Variants in ATP8B1 observed in about 807,000 individuals in gnomAD.
ATP8B1 encodes the protein phospholipid-transporting ATPase IC.
In ATP8B1, 80 loss-of-function variants were observed where a neutral mutation model predicts 149.9. That is an observed-to-expected ratio of 0.53 (90% CI 0.45 to 0.64). The LOEUF is 0.64. Ranked by LOEUF, ATP8B1 falls within the 30% of genes least tolerant of loss-of-function variation. The probability of loss-of-function intolerance (pLI) is 0.00; values close to 1 mark genes in which losing one functional copy is unlikely to be tolerated. For missense variants in ATP8B1, 1,247 were observed against 1,552.6 expected (o/e 0.80, Z 3.31); for synonymous variants, 536 against 562.8 (o/e 0.95, Z 0.67).
At position 57,647,583 on chromosome 18, in the gene ATP8B1, A is replaced by G. The variant is rs1324650365; in HGVS notation, c.*905T>C. ...GGGCCTCTGGGAAATTATGCTGAAG[A>G]TCACCGAAAGGAAAATGTAACTGTA... On this transcript the variant is annotated 3_prime_UTR_variant, in exon 28 of 28. Transcript: ENST00000648908. The G allele has an allele frequency of 2.6e-5, 4 of 152,598 alleles. No individual in the cohort carries two copies. Among genetic ancestry groups the G allele is most frequent in the Admixed American group, 6.5e-5 (1 of 15,278 alleles). The allele number at this position is 152,598 out of a possible 1,614,324, so 9.5% of individuals were successfully genotyped here. A position where few individuals can be genotyped will look rare whatever the true frequency, so the allele number is the denominator to read the frequency against.
At chr18:57,655,565 C>A in intron 22 of ATP8B1, 148 bp from the exon 23 acceptor site, 3 of 760,390 alleles carry the variant, frequency 3.9e-6, no homozygotes, top group South Asian at 1.5e-5. Flanking sequence ...CCATCCCTCA[C>A]CCCCAGCTCT....
At chr18:57,715,340 T>TA in intron 2 of ATP8B1, among the ~76,000 whole-genome samples, 1 of 151,426 alleles carries the variant, frequency 6.6e-6, no homozygotes, top group Non-Finnish European at 1.5e-5. Context: ...GAAAAAAGAA[T>TA]AAAAAAGAAA....
At chr18:57,704,744 G>A in intron 3 of ATP8B1, 76 bp from the exon 4 acceptor site, 1 of 896,520 alleles carries the variant, frequency 1.1e-6, no homozygotes, top group South Asian at 1.4e-5. Context: ...AAAGTCACAA[G>A]TCCCACAGCT....
intron 1 of ATP8B1, among the ~76,000 whole-genome samples, chr18:57,773,996 C>T (rs1173125623): frequency 3.9e-5 from 6 of 152,260 alleles, no homozygotes; most frequent in African/African-American, 1.4e-4. Flanking sequence ...CTCCTCGGCT[C>T]GAAACTCTGC....
At chr18:57,711,034 T>C (rs1913662639) in intron 2 of ATP8B1, among the ~76,000 whole-genome samples, 1 of 152,212 alleles carries the variant, frequency 6.6e-6, no homozygotes, top group Non-Finnish European at 1.5e-5. Flanking sequence ...TAGCAAAACA[T>C]TGGCACATGG....
At chr18:57,723,208 T>C (rs1190406858) in intron 2 of ATP8B1, among the ~76,000 whole-genome samples, 1 of 144,714 alleles carries the variant, frequency 6.9e-6, no homozygotes, top group Admixed American at 6.8e-5. Context: ...ATGCCCTCTC[T>C]CACCACTCCT....
At chr18:57,745,415 G>T (rs1264633672) in intron 1 of ATP8B1, among the ~76,000 whole-genome samples, 1 of 152,032 alleles carries the variant, frequency 6.6e-6, no homozygotes, top group Non-Finnish European at 1.5e-5. Flanking sequence ...GGGATTATAG[G>T]CATGCACCAC....
chr18:57,733,684 C>T (rs1327523471), intron 1 of ATP8B1, among the ~76,000 whole-genome samples: 5 of 127,312 alleles, frequency 3.9e-5, no homozygotes, highest in South Asian at 5.3e-4. Context: ...CCAGCCCGGG[C>T]GACAGAGCGA....
intron 2 of ATP8B1, among the ~76,000 whole-genome samples, chr18:57,723,464 C>T (rs1373769665): frequency 3.9e-5 from 1 of 25,456 alleles, no homozygotes; most frequent in Non-Finnish European, 7.6e-5. Context: ...AACAGACAAA[C>T]AGAGAGCCAA....
chr18:57,758,803 G>A (rs577095474), intron 1 of ATP8B1, among the ~76,000 whole-genome samples: 1 of 152,092 alleles, frequency 6.6e-6, no homozygotes, highest in African/African-American at 2.4e-5. Flanking sequence ...GCAACTGTTT[G>A]CAAGTAGAGA....
chr18:57,791,489 T>C (rs1362072814), intron 1 of ATP8B1, among the ~76,000 whole-genome samples: 1 of 151,902 alleles, frequency 6.6e-6, no homozygotes, highest in African/African-American at 2.4e-5. Flanking sequence ...TAGCTAGGAT[T>C]ACAGGTGCCC....
At chr18:57,683,066 C>T (rs1194652277) in intron 15 of ATP8B1, among the ~76,000 whole-genome samples, 1 of 152,106 alleles carries the variant, frequency 6.6e-6, no homozygotes, top group Non-Finnish European at 1.5e-5. Context: ...TGAGCTCAAG[C>T]AATCCATTCA....
intron 1 of ATP8B1, among the ~76,000 whole-genome samples, chr18:57,796,031 T>C (rs1392169490): frequency 6.6e-6 from 1 of 152,082 alleles, no homozygotes; most frequent in African/African-American, 2.4e-5. Context: ...TAGCCAAGCC[T>C]GGTGGCCATG....
At chr18:57,667,355 A>C in intron 19 of ATP8B1, 188 bp from the exon 20 acceptor site, 1 of 577,654 alleles carries the variant, frequency 1.7e-6, no homozygotes, top group East Asian at 3.0e-5. Context: ...GCAGCCCCCA[A>C]GTAGCTGGGA....
chr18:57,779,233 TGAGCCTGG>T (rs1321241748), intron 1 of ATP8B1, among the ~76,000 whole-genome samples: 2 of 151,812 alleles, frequency 1.3e-5, no homozygotes, highest in Admixed American at 1.3e-4. Flanking sequence ...GAGGATTGCT[TGAGCCTGG>T]GAGGTCGAGG....
chr18:57,697,092 C>T (rs1912854473), intron 8 of ATP8B1, among the ~76,000 whole-genome samples: 1 of 152,066 alleles, frequency 6.6e-6, no homozygotes, highest in Non-Finnish European at 1.5e-5. Flanking sequence ...GAAACCCCAT[C>T]TCTACTAAAA....
At chr18:57,796,887 A>G (rs952161359) in intron 1 of ATP8B1, among the ~76,000 whole-genome samples, 2 of 152,158 alleles carry the variant, frequency 1.3e-5, no homozygotes, top group African/African-American at 4.8e-5. Context: ...TCTTGACCTC[A>G]TGATCTGCCT....
intron 2 of ATP8B1, among the ~76,000 whole-genome samples, chr18:57,714,523 T>C: frequency 7.1e-6 from 1 of 140,420 alleles, no homozygotes; most frequent in Non-Finnish European, 1.5e-5. Flanking sequence ...TGCTTGTATC[T>C]CCACCCCCCT....
rs71171079 is a variant in ATP8B1 at position 57,736,453 on chromosome 18, G to GTTTTTTTTTTTTTTTTTTTTT, written c.-25-4642_-25-4622dup. ...TTTCTTCTAGTATAAAGTTTTACTA[G>GTTTTTTTTTTTTTTTTTTTTT]TTTTTTTTTTTTTTTTTTTTTTTTG... is the stretch of plus-strand genomic sequence containing the variant. On this transcript the variant is annotated intron_variant, in intron 1 of 27. Transcript: ENST00000648908. Among the ~76,000 whole-genome samples, 8 of 70,142 alleles carry GTTTTTTTTTTTTTTTTTTTTT rather than the reference G, an allele frequency of 1.1e-4. 4 individuals carry two copies. The highest frequency in any genetic ancestry group is 1.1e-4 in the Non-Finnish European group (4 of 37,394). 46.0% of individuals were successfully genotyped at this position (70,142 alleles called of 152,430 possible).
Sources: gnomAD v4.1 joint callset for allele counts (sites outside exome capture counted in the v4.1 genomes callset) on GRCh38, gnomAD v4.1.1 for gene constraint, MANE v1.5 for transcripts, NCBI Gene and HGNC (gene_info 2026-07-23, HGNC 2026-07-21) for gene names.